Variants in ROR2 observed in about 807,000 individuals in gnomAD.
ROR2 encodes ROR family WNT receptor 2.
Under a neutral mutation model 74.9 loss-of-function variants are expected in ROR2, and 33 were observed. The observed-to-expected ratio is 0.44, with a 90% CI of 0.33 to 0.59. ROR2 has a LOEUF of 0.59. Among genes scored for constraint, ROR2 ranks in the 20% least tolerant of loss-of-function variants. The pLI, the probability that ROR2 is intolerant of heterozygous loss-of-function variation, is 0.02. For missense variants in ROR2, 1,216 were observed against 1,313.8 expected (o/e 0.93, Z 1.15); for synonymous variants, 586 against 558.7 (o/e 1.05, Z -0.69).
intron 1 of ROR2, among the ~76,000 whole-genome samples, chr9:91,780,002 A>G (rs1425632607): frequency 6.6e-6 from 1 of 152,202 alleles, no homozygotes; most frequent in Non-Finnish European, 1.5e-5. Flanking sequence ...GCCAAAGTGA[A>G]AGGGTTCACT....
At chr9:91,848,761 GAAGAAAAA>G (rs1278494970) in intron 1 of ROR2, among the ~76,000 whole-genome samples, 1,253 of 96,616 alleles carry the variant, frequency 0.013, 19 homozygotes, top group African/African-American at 0.05. Flanking sequence ...TCTCAGGGGG[GAAGAAAAA>G]AAAAAAAAAA....
At position 91,878,352 on chromosome 9, in the gene ROR2, C is replaced by G. The variant is rs557202117; in HGVS notation, c.97+71515G>C. Among the ~76,000 whole-genome samples the G allele has an allele frequency of 5.6e-4, 86 of 152,286 alleles. No individual in the cohort carries two copies. The South Asian group carries it at 0.017, about 29-fold the overall frequency. On this transcript the variant is annotated intron_variant, in intron 1 of 8. Coordinates refer to ENST00000375708, the MANE Select transcript of ROR2 (RefSeq NM_004560.4). ...TCCACCTGGTGAGGATGATTCACCC[C>G]TCATGGTCAGCTCCTGAGGCCAGAC...
At chr9:91,777,971 A>G (rs1826476338) in intron 1 of ROR2, among the ~76,000 whole-genome samples, 1 of 152,196 alleles carries the variant, frequency 6.6e-6, no homozygotes, top group Non-Finnish European at 1.5e-5. Flanking sequence ...TGTCTCCACA[A>G]GGAGAAGGGG....
At chr9:91,824,556 C>A (rs1002132177) in intron 1 of ROR2, among the ~76,000 whole-genome samples, 4 of 152,222 alleles carry the variant, frequency 2.6e-5, no homozygotes, top group African/African-American at 4.8e-5. Flanking sequence ...CAAAAGCACT[C>A]ACCAAAAATG....
chr9:91,906,158 T>C (rs1327841508), intron 1 of ROR2, among the ~76,000 whole-genome samples: 1 of 152,098 alleles, frequency 6.6e-6, no homozygotes. Context: ...CAACTCCGCC[T>C]GCAGAAGGAG....
Position 91,781,264 on chromosome 9 carries a change from G to C in ROR2, c.98-5446C>G, listed in dbSNP as rs570150815. Among the ~76,000 whole-genome samples the C allele has an allele frequency of 2.0e-5, 3 of 152,324 alleles. No homozygotes were observed. In the East Asian group the frequency reaches 5.8e-4, roughly 29 times the overall value. ...GAGAAAGTGACGGTGCTGCAAACCA[G>C]ACACCCCCTGAATGAATGGCAAGGA... is the stretch of plus-strand genomic sequence containing the variant. On this transcript the variant is annotated intron_variant, in intron 1 of 8. Coordinates refer to ENST00000375708, the MANE Select transcript of ROR2 (RefSeq NM_004560.4).
At chr9:91,943,767 C>T (rs560782725) in intron 1 of ROR2, among the ~76,000 whole-genome samples, 2 of 152,240 alleles carry the variant, frequency 1.3e-5, no homozygotes, top group Admixed American at 6.5e-5. Flanking sequence ...CATTTATGTG[C>T]TTCTTTGTAT....
At chr9:91,803,855 G>A (rs1347282707) in intron 1 of ROR2, among the ~76,000 whole-genome samples, 1 of 152,218 alleles carries the variant, frequency 6.6e-6, no homozygotes, top group East Asian at 1.9e-4. Flanking sequence ...CTTTGACTGT[G>A]CAAGTCCTGC....
chr9:91,757,559 C>A lies in ROR2; in HGVS notation c.176G>T (p.Gly59Val). The A allele has an allele frequency of 6.2e-7, 1 of 1,613,138 alleles. No homozygotes were observed. Among genetic ancestry groups the A allele is most frequent in the Non-Finnish European group, 8.5e-7 (1 of 1,179,804 alleles). ...GQDGPIPTLK[G>V]YFLNFLEPVN... is the part of the protein sequence containing the mutation. ...TGGCTCCAGAAAATTCAGAAAGTAACCTGCCAAGGAGAGCGGTCACAAAAG... is the reference window on the plus strand; with the variant it reads ...TGGCTCCAGAAAATTCAGAAAGTAAACTGCCAAGGAGAGCGGTCACAAAAG... The change falls in exon 3 of 9, where the codon GGT becomes GTT. Residue 59 changes from glycine to valine, a missense_variant and splice_region_variant. Gly to Val is a moderately radical substitution (Grantham distance 109). Coordinates refer to ENST00000375708, the MANE Select transcript of ROR2 (RefSeq NM_004560.4).
At chr9:91,859,025 G>A (rs778200320) in intron 1 of ROR2, among the ~76,000 whole-genome samples, 3 of 152,046 alleles carry the variant, frequency 2.0e-5, no homozygotes, top group Non-Finnish European at 2.9e-5. Context: ...CAAATGCTGG[G>A]AAGGCCTAAT....
intron 1 of ROR2, among the ~76,000 whole-genome samples, chr9:91,936,695 G>A (rs1469888225): frequency 6.6e-6 from 1 of 152,168 alleles, no homozygotes. Context: ...CCAAGTTTAG[G>A]AAGCAGCTCT....
chr9:91,778,096 A>G (rs747771479), intron 1 of ROR2, among the ~76,000 whole-genome samples: 2 of 152,234 alleles, frequency 1.3e-5, no homozygotes, highest in Non-Finnish European at 2.9e-5. Flanking sequence ...ATTTAGGAGC[A>G]GCCAGGCTGG....
chr9:91,811,269 G>A (rs778001124), intron 1 of ROR2, among the ~76,000 whole-genome samples: 16 of 152,224 alleles, frequency 1.1e-4, no homozygotes, highest in South Asian at 4.1e-4. Flanking sequence ...GGGGAACCCA[G>A]GCCCAGACTG....
In ROR2 at chr9:91,744,821, A is replaced by G. The variant is rs1825356729; in HGVS notation, c.495-7303T>C. On this transcript the variant is annotated intron_variant, in intron 4 of 8. Transcript: ENST00000375708. ...GCTCTGAGGGTGCCAGTTCCCTGGGAAGTAAATTTTATTTTCCCCTACGCT... is the reference window on the plus strand; with the variant it reads ...GCTCTGAGGGTGCCAGTTCCCTGGGGAGTAAATTTTATTTTCCCCTACGCT... 2.0e-5 allele frequency among the ~76,000 whole-genome samples: 3 copies of G among 152,188 alleles called. No individual in the cohort carries two copies. In the South Asian group the frequency reaches 6.2e-4, roughly 32 times the overall value.
At chr9:91,937,647 C>T (rs1831737479) in intron 1 of ROR2, among the ~76,000 whole-genome samples, 1 of 152,116 alleles carries the variant, frequency 6.6e-6, no homozygotes, top group African/African-American at 2.4e-5. Context: ...AATGTCTTCC[C>T]CAGGAGCTTC....
chr9:91,856,056 C>A (rs1829274674), intron 1 of ROR2, among the ~76,000 whole-genome samples: 1 of 152,168 alleles, frequency 6.6e-6, no homozygotes, highest in African/African-American at 2.4e-5. Context: ...AAAAGAAAAA[C>A]GAATTGTCCT....
chr9:91,724,320 A>G lies in ROR2; in HGVS notation c.2174T>C (p.Met725Thr), dbSNP rs1037731562. 1.9e-6 allele frequency: 3 copies of G among 1,613,292 alleles called. No homozygotes were observed. The highest frequency in any genetic ancestry group is 1.3e-5 in the African/African-American group (1 of 75,076). ...DDCPAWVYAL[M>T]IECWNEFPSR... ...GGGGAACTCGTTCCAGCACTCGATC[A>G]TGAGGGCATACACCCAGGCGGGACA... Residue 725 changes from methionine (M) to threonine (T), a missense_variant, in exon 9 of 9, where the codon ATG becomes ACG. Met to Thr is a moderately conservative substitution (Grantham distance 81). Coordinates refer to ENST00000375708, the MANE Select transcript of ROR2 (RefSeq NM_004560.4).
chr9:91,813,422 T>C (rs73513294), intron 1 of ROR2, among the ~76,000 whole-genome samples: 5,748 of 152,292 alleles, frequency 0.038, 167 homozygotes, highest in African/African-American at 0.082. Context: ...ACCAGATTGT[T>C]TGGGGCTGGC....
intron 1 of ROR2, among the ~76,000 whole-genome samples, chr9:91,847,457 C>T (rs531208408): frequency 3.0e-4 from 45 of 152,344 alleles, no homozygotes; most frequent in Middle Eastern, 3.4e-3. Flanking sequence ...CATTTGCATA[C>T]CACACATATA....
Sources: gnomAD v4.1 joint callset for allele counts (sites outside exome capture counted in the v4.1 genomes callset) on GRCh38, gnomAD v4.1.1 for gene constraint, MANE v1.5 for transcripts, NCBI Gene and HGNC (gene_info 2026-07-23, HGNC 2026-07-21) for gene names.